The following DENND11 variants were observed in gnomAD, a reference collection of about 807,000 sequenced individuals.
DENND11 encodes DENN domain containing 11, also known as DENN domain-containing protein 11.
Under a neutral mutation model 49.2 loss-of-function variants are expected in DENND11, and 34 were observed. The observed-to-expected ratio is 0.69, with a 90% CI of 0.53 to 0.92. The LOEUF is 0.92. Among genes scored for constraint, DENND11 ranks in the 40% least tolerant of loss-of-function variants. The pLI is 0.00. For missense variants in DENND11, 475 were observed against 581.6 expected, an observed-to-expected ratio of 0.82 and a Z score of 1.88; for synonymous variants, 238 against 230.3, an observed-to-expected ratio of 1.03 and a Z score of -0.30.
rs780555223 is a variant in DENND11 at position 141,657,271 on chromosome 7, T to C, written c.*5385A>G. 5 of 152,262 alleles carry C rather than the reference T, an allele frequency of 3.3e-5. No individual in the cohort carries two copies. Among genetic ancestry groups the C allele is most frequent in the Non-Finnish European group, 5.9e-5 (4 of 68,036 alleles). The allele number at this position is 152,262 out of a possible 1,614,324, so 9.4% of individuals were successfully genotyped here. ...ATAAAGGAAATTCATTTTGCTTTCCTCTGCTCTGTCCCTGAAGTCACTCAT... is the reference window on the plus strand; with the variant it reads ...ATAAAGGAAATTCATTTTGCTTTCCCCTGCTCTGTCCCTGAAGTCACTCAT... On this transcript the variant is annotated 3_prime_UTR_variant, in exon 9 of 9. Transcript: ENST00000536163.
chr7:141,677,390 CAA>C (rs57034632), intron 3 of DENND11, among the ~76,000 whole-genome samples: 38,470 of 121,376 alleles, frequency 0.32, 6,532 homozygotes, highest in Non-Finnish European at 0.41. Context: ...ACTCTTGTCT[CAA>C]AAAAAAAAAA....
At position 141,685,468 on chromosome 7, in the gene DENND11, A is replaced by C. The variant is rs1798223939; in HGVS notation, c.527+10T>G. ...TGCTGCCTCCCTGCACATGTACGGA[A>C]GCCACGTACCGAACCTGGTTCTCCA... is the stretch of plus-strand genomic sequence containing the variant. On this transcript the variant is annotated intron_variant, in intron 3 of 8. Transcript: ENST00000536163. 18 of 1,613,420 alleles carry C rather than the reference A, an allele frequency of 1.1e-5. No individual in the cohort carries two copies. Among genetic ancestry groups the C allele is most frequent in the Non-Finnish European group, 1.4e-5 (17 of 1,179,784 alleles).
At chr7:141,687,823 A>C (rs1055555201) in intron 1 of DENND11, among the ~76,000 whole-genome samples, 44 of 152,018 alleles carry the variant, frequency 2.9e-4, no homozygotes, top group African/African-American at 1.0e-3. Context: ...TTTAGTGGAG[A>C]CGGGGTTTCA....
At chr7:141,685,025 A>ATATATATATAT (rs1450234330) in intron 3 of DENND11, among the ~76,000 whole-genome samples, 1 of 102,072 alleles carries the variant, frequency 9.8e-6, no homozygotes, top group African/African-American at 3.3e-5. Flanking sequence ...AAAAAAAAAA[A>ATATATATATAT]AAAAATATAT....
At chr7:141,695,534 A>G (rs902749745) in intron 1 of DENND11, among the ~76,000 whole-genome samples, 24 of 152,236 alleles carry the variant, frequency 1.6e-4, no homozygotes, top group African/African-American at 5.8e-4. Flanking sequence ...GTGATTTTGC[A>G]TAATTAGTAA....
At chr7:141,663,285 G>A (rs1472673046) in intron 8 of DENND11, 3 of 161,192 alleles carry the variant, frequency 1.9e-5, no homozygotes, top group African/African-American at 7.2e-5. Context: ...CTCTTTGGGA[G>A]GAGTGAGATT....
In DENND11 at chr7:141,686,556, T is replaced by C; in HGVS notation, c.368+3A>G. 3.1e-6 allele frequency: 5 copies of C among 1,588,156 alleles called. No homozygotes were observed. Among genetic ancestry groups the C allele is most frequent in the Non-Finnish European group, 4.3e-6 (5 of 1,157,700 alleles). On this transcript the variant is annotated splice_donor_region_variant and intron_variant, in intron 2 of 8. Transcript: ENST00000536163. ...AAGATGACTCCAGTTCAGAAGTACT[T>C]ACATGAAATCAGATTGGATTTTATG...
intron 8 of DENND11, 103 bp from the exon 9 acceptor site, chr7:141,662,954 G>A (rs534210460): frequency 1.1e-4 from 80 of 756,494 alleles, no homozygotes; most frequent in East Asian, 6.5e-4. Flanking sequence ...TTTGTTTAAT[G>A]TACTTTTCAG....
intron 1 of DENND11, among the ~76,000 whole-genome samples, chr7:141,691,306 C>T (rs909815876): frequency 6.6e-6 from 1 of 152,194 alleles, no homozygotes; most frequent in Non-Finnish European, 1.5e-5. Flanking sequence ...CCTGGATGAC[C>T]CTGGAGATTT....
At chr7:141,668,822 T>C (rs569410231) in intron 4 of DENND11, among the ~76,000 whole-genome samples, 1 of 152,322 alleles carries the variant, frequency 6.6e-6, no homozygotes, top group East Asian at 1.9e-4. Flanking sequence ...AAATTCCTCC[T>C]GCTTTCATTG....
intron 1 of DENND11, among the ~76,000 whole-genome samples, chr7:141,689,749 C>A (rs1048040633): frequency 3.3e-5 from 5 of 152,216 alleles, no homozygotes; most frequent in African/African-American, 9.6e-5. Context: ...AAGTCATTAA[C>A]CCTCTCTCAT....
chr7:141,695,166 C>T (rs931665430), intron 1 of DENND11, among the ~76,000 whole-genome samples: 4 of 150,916 alleles, frequency 2.7e-5, no homozygotes, highest in African/African-American at 7.3e-5. Context: ...TTTTTTTTGC[C>T]GCACAGTGAT....
intron 3 of DENND11, among the ~76,000 whole-genome samples, chr7:141,679,277 A>G (rs1798112459): frequency 6.6e-6 from 1 of 152,258 alleles, no homozygotes; most frequent in Admixed American, 6.5e-5. Flanking sequence ...TCTAGAAGCC[A>G]TAAAAAGATG....
At chr7:141,677,501 GTGTATA>G (rs1334743255) in intron 3 of DENND11, among the ~76,000 whole-genome samples, 1 of 130,360 alleles carries the variant, frequency 7.7e-6, no homozygotes, top group African/African-American at 2.9e-5. Context: ...GTGTGTGTGT[GTGTATA>G]TATATATATA....
At chr7:141,682,974 A>G (rs908317359) in intron 3 of DENND11, among the ~76,000 whole-genome samples, 2 of 152,146 alleles carry the variant, frequency 1.3e-5, no homozygotes, top group Non-Finnish European at 2.9e-5. Flanking sequence ...AACTGAGGAA[A>G]TATTTTGAGT....
intron 3 of DENND11, among the ~76,000 whole-genome samples, chr7:141,684,149 A>G (rs1157214173): frequency 6.6e-6 from 1 of 152,114 alleles, no homozygotes; most frequent in East Asian, 1.9e-4. Flanking sequence ...CTGGTCTTGA[A>G]TTCCTGGCTT....
rs574688141 is a variant in DENND11 at position 141,657,596 on chromosome 7, T to C, written c.*5060A>G. The C allele has an allele frequency of 3.9e-5, 6 of 152,548 alleles. No homozygotes were observed. The East Asian group carries it at 7.7e-4, about 20-fold the overall frequency. 9.4% of individuals were successfully genotyped at this position (152,548 alleles called of 1,614,324 possible). ...GGCCTTAGAAAGCAAAGTAAATTTATTGTTAGTCTAAATAAGCATTCTATA... is the reference window on the plus strand; with the variant it reads ...GGCCTTAGAAAGCAAAGTAAATTTACTGTTAGTCTAAATAAGCATTCTATA... On this transcript the variant is annotated 3_prime_UTR_variant, in exon 9 of 9. Coordinates refer to ENST00000536163, the MANE Select transcript of DENND11 (RefSeq NM_001080392.2).
rs761986260 is a variant in DENND11, at chr7:141,666,335, G to A, written c.772C>T (p.Arg258Cys). Residue 258 changes from arginine (R) to cysteine (C), a missense_variant, in exon 5 of 9, where the codon CGC becomes TGC. Transcript: ENST00000536163. The stretch of plus-strand genomic sequence containing the variant: ...GGTGGGGGAGAAAATATCAAAATGC[G>A]CTTTCGAAGTAAGGCAAATTTCCAG... Reference protein sequence around the residue: ...ILWKFALLRKRILIFSPPPVG... With the variant: ...ILWKFALLRKCILIFSPPPVG... 2.5e-6 allele frequency: 4 copies of A among 1,613,172 alleles called. No homozygotes were observed. The highest frequency in any genetic ancestry group is 2.7e-5 in the African/African-American group (2 of 74,958).
At chr7:141,673,456 C>T (rs1798014527) in intron 4 of DENND11, among the ~76,000 whole-genome samples, 2 of 152,178 alleles carry the variant, frequency 1.3e-5, no homozygotes, top group African/African-American at 4.8e-5. Flanking sequence ...TCTCCTAAGG[C>T]ATCTTCCCAG....
Sources: gnomAD v4.1 joint callset for allele counts (sites outside exome capture counted in the v4.1 genomes callset) on GRCh38, gnomAD v4.1.1 for gene constraint, MANE v1.5 for transcripts, NCBI Gene and HGNC (gene_info 2026-07-23, HGNC 2026-07-21) for gene names.